Variants in RGS3 observed in about 807,000 individuals in gnomAD.
RGS3 encodes the protein regulator of G-protein signalling 3.
A neutral mutation model predicts 132.6 loss-of-function variants in RGS3; 80 were observed. The observed-to-expected ratio is 0.60, with a 90% CI of 0.50 to 0.73. RGS3 has a LOEUF of 0.73. Among genes scored for constraint, RGS3 ranks in the 30% least tolerant of loss-of-function variants. The pLI is 0.00. For missense variants in RGS3, 1,382 were observed against 1,530.8 expected, an observed-to-expected ratio of 0.90 and a Z score of 1.62; for synonymous variants, 598 against 620.6, an observed-to-expected ratio of 0.96 and a Z score of 0.54.
intron 19 of RGS3, among the ~76,000 whole-genome samples, chr9:113,551,976 A>T (rs541855671): frequency 6.6e-6 from 1 of 152,222 alleles, no homozygotes. Flanking sequence ...ATTTTAAAAA[A>T]TTATAGCCAT....
intron 10 of RGS3, among the ~76,000 whole-genome samples, chr9:113,500,744 G>T (rs1159725581): frequency 1.4e-5 from 2 of 146,746 alleles, no homozygotes; most frequent in Non-Finnish European, 3.0e-5. Context: ...CTGGAGTACC[G>T]TGGCATGATC....
At chr9:113,541,562 T>C in intron 19 of RGS3, 1 of 1,459,552 alleles carries the variant, frequency 6.9e-7, no homozygotes, top group Non-Finnish European at 9.1e-7. Flanking sequence ...CTGAAGGGAG[T>C]GGTCCCAAGG....
rs1564578217 is a variant in RGS3 at position 113,565,907 on chromosome 9, G to GTT, written c.2038-17542_2038-17541insTT. ...TGTGTGTGTGTGTGTGTGTGTGTGT[G>GTT]TGTGTGTGTCTGTCTGTCTGTCTGT... On this transcript the variant is annotated intron_variant, in intron 19 of 24. Transcript: ENST00000350696. This position sits in a 1 kb window ranked among gnomAD's most constrained non-coding sequence, Gnocchi z 5.7. Among the ~76,000 whole-genome samples, 1 of 148,950 alleles carries GTT rather than the reference G, an allele frequency of 6.7e-6. No homozygotes were observed. Among genetic ancestry groups the GTT allele is most frequent in the Non-Finnish European group, 1.5e-5 (1 of 66,588 alleles).
In RGS3 at chr9:113,557,823, A is replaced by G. The variant is rs1240989424; in HGVS notation, c.2037+20905A>G. Among the ~76,000 whole-genome samples the G allele has an allele frequency of 4.0e-5, 6 of 148,692 alleles. 2 individuals are homozygous for G. Among genetic ancestry groups the G allele is most frequent in the Admixed American group, 4.0e-4 (6 of 15,124 alleles). ...GATGTAAGGATTGTTCTAGGTGGGGACCCTAACGCAGGCCAGCATAGGTGG... is the reference window on the plus strand; with the variant it reads ...GATGTAAGGATTGTTCTAGGTGGGGGCCCTAACGCAGGCCAGCATAGGTGG... On this transcript the variant is annotated intron_variant, in intron 19 of 24. Transcript: ENST00000350696.
chr9:113,521,527 C>T (rs1001210015), intron 16 of RGS3, among the ~76,000 whole-genome samples: 4 of 152,146 alleles, frequency 2.6e-5, no homozygotes, highest in African/African-American at 4.8e-5. Flanking sequence ...TATTTTTGCA[C>T]ATTGTACTAT....
At chr9:113,545,832 C>T (rs1254424515) in intron 19 of RGS3, among the ~76,000 whole-genome samples, 3 of 152,220 alleles carry the variant, frequency 2.0e-5, no homozygotes, top group Non-Finnish European at 2.9e-5. Context: ...TACATTTACT[C>T]TCATTATGCC....
exon 3 of RGS3, chr9:113,462,196 G>T: frequency 6.2e-7 from 1 of 1,612,914 alleles, no homozygotes; most frequent in Non-Finnish European, 8.5e-7. Context: ...AAAGTCCAGG[G>T]TGCAGGTAAG....
At chr9:113,445,476 G>C (rs930604013) in intron 1 of RGS3, among the ~76,000 whole-genome samples, 1 of 152,150 alleles carries the variant, frequency 6.6e-6, no homozygotes, top group African/African-American at 2.4e-5. Context: ...GGGATTACAG[G>C]TGTGAGCCAC....
At chr9:113,447,329 G>GTGTATATATA (rs1554751009) in intron 1 of RGS3, among the ~76,000 whole-genome samples, 3 of 27,536 alleles carry the variant, frequency 1.1e-4, no homozygotes, top group African/African-American at 2.0e-4. Context: ...GTATGTATAT[G>GTGTATATATA]TATATATATA....
At chr9:113,576,117 G>A (rs1453901550) in intron 19 of RGS3, among the ~76,000 whole-genome samples, 4 of 151,820 alleles carry the variant, frequency 2.6e-5, no homozygotes, top group Non-Finnish European at 4.4e-5. Context: ...GGAGAATGGC[G>A]TGAACCCGGG....
chr9:113,594,176 C>T (rs1835608818), intron 21 of RGS3: 2 of 1,612,918 alleles, frequency 1.2e-6, no homozygotes, highest in Non-Finnish European at 1.7e-6. Context: ...GCAGCCTGCA[C>T]CGTTGCTGCC....
chr9:113,515,284 G>A (rs1487870433), intron 15 of RGS3, among the ~76,000 whole-genome samples: 2 of 152,094 alleles, frequency 1.3e-5, no homozygotes, highest in Non-Finnish European at 2.9e-5. Context: ...CTGCACTCCA[G>A]CCTCTTCTTC....
In RGS3 at chr9:113,449,786, A is replaced by C. The variant is rs145458712; in HGVS notation, c.-13+4859A>C. On this transcript the variant is annotated intron_variant, in intron 1 of 25. Coordinates refer to the RGS3 transcript ENST00000374140. The stretch of plus-strand genomic sequence containing the variant: ...GAGACAGAGTCTCACTCTGTTGCCC[A>C]GGCTGGAGTGCAGTGGCTCAGTCTT... Among the ~76,000 whole-genome samples, 152 of 152,222 alleles carry C rather than the reference A, an allele frequency of 1.0e-3. 1 individual carries two copies. Among genetic ancestry groups the C allele is most frequent in the Non-Finnish European group, 1.8e-3 (124 of 67,996 alleles).
At chr9:113,502,491 G>A (rs1453436161) in intron 10 of RGS3, among the ~76,000 whole-genome samples, 1 of 152,240 alleles carries the variant, frequency 6.6e-6, no homozygotes, top group Non-Finnish European at 1.5e-5. Context: ...GGGATCCAGT[G>A]TTTTCTCTCT....
At chr9:113,595,215 G>T in intron 23 of RGS3, 1 of 590,584 alleles carries the variant, frequency 1.7e-6, no homozygotes, top group South Asian at 2.1e-5. Context: ...CCGGAGGCCC[G>T]TGGGACCTGT....
chr9:113,539,700 C>G (rs1382075184), intron 19 of RGS3, among the ~76,000 whole-genome samples: 1 of 152,230 alleles, frequency 6.6e-6, no homozygotes, highest in Non-Finnish European at 1.5e-5. Flanking sequence ...ACTCCCCAAA[C>G]TCCCATGCTC....
chr9:113,471,575 GT>G (rs1296082362), intron 3 of RGS3, among the ~76,000 whole-genome samples: 11 of 150,058 alleles, frequency 7.3e-5, no homozygotes, highest in Admixed American at 6.0e-4. Flanking sequence ...GTTGGTTTTT[GT>G]TTTTTTTTCC....
chr9:113,517,228 G>T (rs369613555), intron 15 of RGS3: 10 of 524,910 alleles, frequency 1.9e-5, no homozygotes, highest in South Asian at 4.6e-5. Context: ...AGTGCAGTGG[G>T]GGGTGAGAGC....
At chr9:113,539,882 G>T (rs991892021) in intron 19 of RGS3, among the ~76,000 whole-genome samples, 1 of 152,246 alleles carries the variant, frequency 6.6e-6, no homozygotes, top group African/African-American at 2.4e-5. Context: ...TTAAAGAACA[G>T]TTGGGAGGTC....
Sources: allele counts gnomAD v4.1 joint callset (sites outside exome capture counted in the v4.1 genomes callset), GRCh38; gene constraint gnomAD v4.1.1; non-coding constraint Gnocchi (gnomAD v3.1); transcripts MANE v1.5; gene names NCBI Gene and HGNC (gene_info 2026-07-23, HGNC 2026-07-21).